ANK2: variants seen among roughly 807,000 people sequenced by gnomAD.
ANK2 encodes ankyrin 2.
A neutral mutation model predicts 360.5 loss-of-function variants in ANK2; 83 were observed. That is an observed-to-expected ratio of 0.23 (90% CI 0.19 to 0.28). The LOEUF (loss-of-function observed/expected upper bound fraction) is 0.28. Among genes scored for constraint, ANK2 ranks in the 10% least tolerant of loss-of-function variants. The probability of loss-of-function intolerance (pLI) is 1.00; values close to 1 mark genes in which losing one functional copy is unlikely to be tolerated. For synonymous variants in ANK2, 1,740 were observed against 1,759.5 expected, an observed-to-expected ratio of 0.99 and a Z score of 0.28; for missense variants, 4,201 against 4,795.7, an observed-to-expected ratio of 0.88 and a Z score of 3.66.
chr4:112,928,109 G>A (rs1002410659), intron 2 of ANK2, among the ~76,000 whole-genome samples: 1 of 152,148 alleles, frequency 6.6e-6, no homozygotes, highest in Admixed American at 6.5e-5. Context: ...AAAATCATCT[G>A]TGATAACCTG....
chr4:112,734,727 TAAG>T, the ANK2 span, among the ~76,000 whole-genome samples: 1 of 152,180 alleles, frequency 6.6e-6, no homozygotes, highest in Non-Finnish European at 1.5e-5. Context: ...AAAACAGAAA[TAAG>T]AAGTAATACA....
At chr4:112,782,900 A>G in the ANK2 span, among the ~76,000 whole-genome samples, 509 of 150,792 alleles carry the variant, frequency 3.4e-3, 2 homozygotes, top group African/African-American at 0.012. Flanking sequence ...AACCAGAATA[A>G]ATAGCTTTTC....
intron 2 of ANK2, among the ~76,000 whole-genome samples, chr4:112,969,874 A>C (rs2038808985): frequency 6.6e-6 from 1 of 152,216 alleles, no homozygotes. Flanking sequence ...TAGTCTCACT[A>C]GTGAAAAGCA....
At chr4:113,306,791 G>T (rs1031127528) in intron 23 of ANK2, among the ~76,000 whole-genome samples, 2 of 152,198 alleles carry the variant, frequency 1.3e-5, no homozygotes, top group African/African-American at 4.8e-5. Context: ...TAAGTGGTGG[G>T]TGTGGAATCA....
intron 1 of ANK2, among the ~76,000 whole-genome samples, chr4:113,118,798 A>G (rs1021057638): frequency 3.3e-5 from 5 of 152,204 alleles, no homozygotes; most frequent in East Asian, 3.8e-4. Context: ...ATTATTGTAT[A>G]AAGAATTTTC....
At position 112,885,796 on chromosome 4, in the gene ANK2, C is replaced by CAAAAAA. The variant is rs750277917; in HGVS notation, c.-39-18635_-39-18630dup. Among the ~76,000 whole-genome samples, 10 of 26,952 alleles carry CAAAAAA rather than the reference C, an allele frequency of 3.7e-4. 1 individual carries two copies. The highest frequency in any genetic ancestry group is 3.7e-4 in the Non-Finnish European group (5 of 13,498). The allele number at this position is 26,952 out of a possible 152,430, so 17.7% of individuals were successfully genotyped here. A position where few individuals can be genotyped will look rare whatever the true frequency, so the allele number is the denominator to read the frequency against. On this transcript the variant is annotated intron_variant, in intron 1 of 30. Coordinates refer to the ANK2 transcript ENST00000503271. The stretch of plus-strand genomic sequence containing the variant: ...TGGGGGACAGAGCAAGACTCTGTCT[C>CAAAAAA]AAAAAAAAAAAAAAAAAAAAAAAAA...
rs192782000 is a variant in ANK2, at chr4:112,833,604, C to T, written c.-40+15340C>T. On this transcript the variant is annotated intron_variant, in intron 1 of 30. Coordinates refer to the ANK2 transcript ENST00000503271. The stretch of plus-strand genomic sequence containing the variant: ...CTGCAAGCTCCGCCTCCCGGGTTCA[C>T]GCCATTCTCCTTGCTCAGCCTCCCC... Among the ~76,000 whole-genome samples, 875 of 151,836 alleles carry T rather than the reference C, an allele frequency of 5.8e-3. 4 individuals are homozygous for T. Among genetic ancestry groups the T allele is most frequent in the African/African-American group, 0.019 (797 of 41,326 alleles).
At chr4:113,273,329 T>C (rs1206342547) in intron 14 of ANK2, among the ~76,000 whole-genome samples, 1 of 152,246 alleles carries the variant, frequency 6.6e-6, no homozygotes, top group Non-Finnish European at 1.5e-5. Flanking sequence ...ATATGCATTG[T>C]ACATGAAGAA....
At chr4:113,278,638 A>G (rs538756628) in intron 17 of ANK2, 80 bp downstream of exon 17, 319 of 1,374,812 alleles carry the variant, frequency 2.3e-4, no homozygotes, top group Middle Eastern at 1.1e-3. Context: ...TTTTAAACAC[A>G]TGGTATAGTA....
the ANK2 span, among the ~76,000 whole-genome samples, chr4:112,711,894 C>G: frequency 1.3e-5 from 2 of 148,668 alleles, no homozygotes; most frequent in Non-Finnish European, 3.0e-5. Flanking sequence ...AAAAGCACAA[C>G]AAACAAATGC....
chr4:113,258,745 G>A (rs1586397989), intron 13 of ANK2, among the ~76,000 whole-genome samples: 2 of 152,202 alleles, frequency 1.3e-5, no homozygotes, highest in East Asian at 3.9e-4. Context: ...TAATTGGTTC[G>A]AATAGAATCT....
chr4:113,372,775 GCAAA>G lies in ANK2; in HGVS notation c.11611-310_11611-307del. On this transcript the variant is annotated intron_variant, in intron 43 of 45. Coordinates refer to ENST00000357077, the MANE Select transcript of ANK2 (RefSeq NM_001148.6). Reference sequence around the variant, plus strand: ...CCCTTAACTCTCATAAGTTCTGTTTGCAAACAAATGCAGTGGTTCCAGCTTTCCT... The same window carrying G: ...CCCTTAACTCTCATAAGTTCTGTTTGCAAATGCAGTGGTTCCAGCTTTCCT... 1.4e-5 allele frequency: 9 copies of G among 661,028 alleles called. 1 individual carries two copies. Among genetic ancestry groups the G allele is most frequent in the Non-Finnish European group, 2.3e-5 (9 of 388,110 alleles). The allele number at this position is 661,028 out of a possible 1,614,324, so 40.9% of individuals were successfully genotyped here. A position where few individuals can be genotyped will look rare whatever the true frequency, so the allele number is the denominator to read the frequency against.
chr4:113,088,928 C>T (rs771270935), intron 1 of ANK2, among the ~76,000 whole-genome samples: 1 of 152,104 alleles, frequency 6.6e-6, no homozygotes, highest in African/African-American at 2.4e-5. Flanking sequence ...ATTTTTGAGC[C>T]GTAGTTCTGC....
At chr4:112,998,294 G>A (rs976395157) in intron 2 of ANK2, among the ~76,000 whole-genome samples, 6 of 152,056 alleles carry the variant, frequency 3.9e-5, no homozygotes, top group African/African-American at 1.4e-4. Context: ...CACCCACTGG[G>A]CCCTTAGGGT....
the ANK2 span, among the ~76,000 whole-genome samples, chr4:112,800,716 G>A: frequency 6.6e-6 from 1 of 152,116 alleles, no homozygotes; most frequent in Non-Finnish European, 1.5e-5. Flanking sequence ...GAGTGCAGGC[G>A]CAATCTTGGC....
intron 9 of ANK2, among the ~76,000 whole-genome samples, chr4:113,247,036 G>A (rs1402017245): frequency 6.6e-6 from 1 of 151,830 alleles, no homozygotes. Flanking sequence ...AGCAGAGAGG[G>A]GGGAAGATAT....
Position 113,365,200 on chromosome 4 carries a change from T to A in ANK2, c.11032+18T>A, listed in dbSNP as rs764773352. 6.7e-7 allele frequency: 1 copy of A among 1,482,304 alleles called. No homozygotes were observed. The highest frequency in any genetic ancestry group is 9.1e-7 in the Non-Finnish European group (1 of 1,103,200). The allele number at this position is 1,482,304 out of a possible 1,614,324, so 91.8% of individuals were successfully genotyped here. A position where few individuals can be genotyped will look rare whatever the true frequency, so the allele number is the denominator to read the frequency against. On this transcript the variant is annotated intron_variant, in intron 41 of 45. Transcript: ENST00000357077. ...TAGTGAAGGTCAAACTGTGTGTGTG[T>A]ATGTGTGTGTGTGTGTGTGTGTGTG...
At chr4:112,846,916 G>A (rs934106169) in intron 1 of ANK2, among the ~76,000 whole-genome samples, 3 of 152,138 alleles carry the variant, frequency 2.0e-5, no homozygotes, top group Admixed American at 2.0e-4. Flanking sequence ...CACCATGTCT[G>A]TGTTCCAATA....
chr4:113,311,143 G>A, intron 23 of ANK2, 112 bp from the exon 24 acceptor site: 14 of 1,395,084 alleles, frequency 1.0e-5, no homozygotes, highest in Non-Finnish European at 1.4e-5. Flanking sequence ...GTGCAGTGCA[G>A]TTTCATCAAG....
Sources: gnomAD v4.1 joint callset for allele counts (sites outside exome capture counted in the v4.1 genomes callset) on GRCh38, gnomAD v4.1.1 for gene constraint, MANE v1.5 for transcripts, NCBI Gene and HGNC (gene_info 2026-07-23, HGNC 2026-07-21) for gene names.